Variants in CEP43 observed in about 807,000 individuals in gnomAD.
CEP43 encodes the protein FGFR1 oncogene partner.
Under a neutral mutation model 52.6 loss-of-function variants are expected in CEP43, and 36 were observed. That is an observed-to-expected ratio of 0.68 (90% CI 0.52 to 0.90). The LOEUF (loss-of-function observed/expected upper bound fraction) is 0.90. Among genes scored for constraint, CEP43 ranks in the 40% least tolerant of loss-of-function variants. The pLI is 0.00. For missense variants in CEP43, 506 were observed against 472.8 expected (o/e 1.07, Z -0.65); for synonymous variants, 192 against 172.4 (o/e 1.11, Z -0.89).
chr6:167,045,236 G>T lies in CEP43; in HGVS notation c.*5258G>T, dbSNP rs922901453. On this transcript the variant is annotated 3_prime_UTR_variant, in exon 13 of 13. Coordinates refer to ENST00000366847, the MANE Select transcript of CEP43 (RefSeq NM_007045.4). ...CTGCCTCAGCCTCCTGAGTAGCTGG[G>T]ATTACAGATGTGTTTCACCATGCCC... The T allele has an allele frequency of 3.3e-5, 5 of 151,908 alleles. No homozygotes were observed. Among genetic ancestry groups the T allele is most frequent in the African/African-American group, 1.2e-4 (5 of 41,282 alleles). 9.4% of individuals were successfully genotyped at this position (151,908 alleles called of 1,614,324 possible).
At chr6:167,033,335 TC>T (rs1284766544) in intron 11 of CEP43, among the ~76,000 whole-genome samples, 2 of 152,042 alleles carry the variant, frequency 1.3e-5, no homozygotes, top group Non-Finnish European at 2.9e-5. Flanking sequence ...GGTCTCGAAC[TC>T]CTGACCTCGT....
chr6:167,016,527 G>T (rs1780103541), intron 7 of CEP43, among the ~76,000 whole-genome samples: 1 of 152,228 alleles, frequency 6.6e-6, no homozygotes, highest in Non-Finnish European at 1.5e-5. Flanking sequence ...CTCCCAAAGT[G>T]CTGGGATTAC....
chr6:167,035,633 C>G (rs1052459613), intron 12 of CEP43, among the ~76,000 whole-genome samples: 2 of 151,266 alleles, frequency 1.3e-5, no homozygotes, highest in South Asian at 2.1e-4. Flanking sequence ...GTGGCGCTAT[C>G]TCAGCTCACT....
Position 167,044,038 on chromosome 6 carries a change from G to A in CEP43, c.*4060G>A, listed in dbSNP as rs1311125122. The A allele has an allele frequency of 6.6e-6, 1 of 152,226 alleles. No individual in the cohort carries two copies. Among genetic ancestry groups the A allele is most frequent in the African/African-American group, 2.4e-5 (1 of 41,448 alleles). 9.4% of individuals were successfully genotyped at this position (152,226 alleles called of 1,614,324 possible). The stretch of plus-strand genomic sequence containing the variant: ...CGGGAGAGCTGCTTTGCCCCTTCCA[G>A]CGTGTGAGGACACAGTGAGGAGGTG... On this transcript the variant is annotated 3_prime_UTR_variant, in exon 13 of 13. Transcript: ENST00000366847.
In CEP43 at chr6:167,050,170, CA is replaced by C. The variant is rs1439777205; in HGVS notation, c.*10194del. On this transcript the variant is annotated 3_prime_UTR_variant, in exon 13 of 13. Transcript: ENST00000366847. ...TCTGTTTTCATGATAGTGAGTCTCA[CA>C]AGGTCTGATGGTTTTATAAGCATCT... The C allele has an allele frequency of 6.6e-6, 1 of 152,140 alleles. No individual in the cohort carries two copies. Among genetic ancestry groups the C allele is most frequent in the Admixed American group, 6.5e-5 (1 of 15,268 alleles). 9.4% of individuals were successfully genotyped at this position (152,140 alleles called of 1,614,324 possible).
Position 167,047,658 on chromosome 6 carries a change from G to C in CEP43, c.*7680G>C, listed in dbSNP as rs914190425. On this transcript the variant is annotated 3_prime_UTR_variant, in exon 13 of 13. Transcript: ENST00000366847. ...ATTGTTCAGTTTCTGATGAATGTCTGTTCCCCTTTCAAAACCTAATTCAGA... is the reference window on the plus strand; with the variant it reads ...ATTGTTCAGTTTCTGATGAATGTCTCTTCCCCTTTCAAAACCTAATTCAGA... 2 of 152,202 alleles carry C rather than the reference G, an allele frequency of 1.3e-5. No individual in the cohort carries two copies. Among genetic ancestry groups the C allele is most frequent in the Non-Finnish European group, 2.9e-5 (2 of 68,034 alleles). The allele number at this position is 152,202 out of a possible 1,614,324, so 9.4% of individuals were successfully genotyped here.
intron 3 of CEP43, 33 bp downstream of exon 3, chr6:167,003,280 C>A: frequency 7.8e-7 from 1 of 1,282,828 alleles, no homozygotes; most frequent in South Asian, 1.4e-5. Flanking sequence ...GTTTATCTAT[C>A]TCTGAATTTT....
chr6:167,027,955 C>T (rs1780389716), intron 10 of CEP43: 3 of 986,126 alleles, frequency 3.0e-6, no homozygotes, highest in South Asian at 9.4e-5. Flanking sequence ...GTGCTGCCAT[C>T]TGCTCTTTGT....
intron 5 of CEP43, among the ~76,000 whole-genome samples, chr6:167,006,304 CAA>C (rs1473674741): frequency 2.6e-5 from 4 of 152,136 alleles, no homozygotes; most frequent in Non-Finnish European, 5.9e-5. Flanking sequence ...ATCATGAAGT[CAA>C]GAGATGGAGA....
chr6:167,015,361 T>C (rs1583276707), intron 7 of CEP43, among the ~76,000 whole-genome samples: 1 of 152,256 alleles, frequency 6.6e-6, no homozygotes, highest in Non-Finnish European at 1.5e-5. Context: ...GGGTAAGCCC[T>C]TAGCTCTTTG....
rs540481449 is a variant in CEP43 at position 166,999,554 on chromosome 6, G to T, written c.102+40G>T. The T allele has an allele frequency of 4.3e-4, 564 of 1,310,908 alleles. 1 individual carries two copies. The highest frequency in any genetic ancestry group is 4.9e-4 in the Non-Finnish European group (491 of 997,616). The allele number at this position is 1,310,908 out of a possible 1,614,324, so 81.2% of individuals were successfully genotyped here. A position where few individuals can be genotyped will look rare whatever the true frequency, so the allele number is the denominator to read the frequency against. On this transcript the variant is annotated intron_variant, in intron 1 of 12. Transcript: ENST00000366847. ...TGGGGCCGGGCCTGGCGGATCCGCA[G>T]GGCTTGCGTGGACAGCGGGCGTCAC...
intron 2 of CEP43, 54 bp downstream of exon 2, chr6:167,000,167 A>G: frequency 7.5e-7 from 1 of 1,340,638 alleles, no homozygotes; most frequent in South Asian, 1.2e-5. Flanking sequence ...TTAATTTCTT[A>G]TTCATTAAAA....
intron 10 of CEP43, among the ~76,000 whole-genome samples, chr6:167,031,704 C>T (rs1280032107): frequency 1.3e-5 from 2 of 152,130 alleles, no homozygotes; most frequent in Non-Finnish European, 2.9e-5. Context: ...GTACATGCTT[C>T]CTGGGTCTTT....
chr6:167,040,200 A>G lies in CEP43; in HGVS notation c.*222A>G. 1 of 1,526,644 alleles carries G rather than the reference A, an allele frequency of 6.6e-7. No individual in the cohort carries two copies. The highest frequency in any genetic ancestry group is 8.7e-7 in the Non-Finnish European group (1 of 1,144,084). 94.6% of individuals were successfully genotyped at this position (1,526,644 alleles called of 1,614,324 possible). On this transcript the variant is annotated 3_prime_UTR_variant, in exon 13 of 13. Transcript: ENST00000366847. ...GATTTAATATTCTTAATTTAACTGT[A>G]CATTTCTTTATGGAAATTGATTATC...
intron 12 of CEP43, chr6:167,036,859 G>C (rs1780594883): frequency 1.4e-6 from 1 of 724,886 alleles, no homozygotes; most frequent in Admixed American, 6.3e-5. Context: ...CTAGGCTGGA[G>C]TGCAATGGCT....
chr6:166,999,980 G>A (rs1181283939), intron 1 of CEP43, 80 bp from the exon 2 acceptor site: 13 of 1,282,986 alleles, frequency 1.0e-5, no homozygotes, highest in Admixed American at 5.4e-5. Context: ...GCTTGCTCGT[G>A]TTTGTTGCTG....
intron 5 of CEP43, among the ~76,000 whole-genome samples, chr6:167,008,928 T>G (rs975333360): frequency 4.6e-5 from 7 of 152,086 alleles, no homozygotes; most frequent in Non-Finnish European, 1.0e-4. Context: ...AAGGCAAATC[T>G]AGACAAGAAT....
At chr6:167,021,690 A>G (rs1032130777) in intron 7 of CEP43, among the ~76,000 whole-genome samples, 8 of 152,058 alleles carry the variant, frequency 5.3e-5, no homozygotes, top group Non-Finnish European at 7.4e-5. Flanking sequence ...TTTTTATAAC[A>G]TTGATGTTAA....
At chr6:167,013,438 G>C (rs1374402137) in intron 6 of CEP43, 70 bp from the exon 7 acceptor site, 3 of 1,269,168 alleles carry the variant, frequency 2.4e-6, no homozygotes, top group Non-Finnish European at 3.4e-6. Flanking sequence ...ATCTTTGTTT[G>C]GTAATGAGTT....
Sources: allele counts gnomAD v4.1 joint callset (sites outside exome capture counted in the v4.1 genomes callset), GRCh38; gene constraint gnomAD v4.1.1; transcripts MANE v1.5; gene names NCBI Gene and HGNC (gene_info 2026-07-23, HGNC 2026-07-21).